The following SDK1 variants were observed in gnomAD, a reference collection of about 807,000 sequenced individuals.
SDK1 encodes the protein protein sidekick-1.
Under a neutral mutation model 245.5 loss-of-function variants are expected in SDK1, and 157 were observed. The observed-to-expected ratio is 0.64, with a 90% CI of 0.56 to 0.73. The LOEUF (loss-of-function observed/expected upper bound fraction) is 0.73, where lower values mean the gene tolerates loss of function less well. Among genes scored for constraint, SDK1 ranks in the 30% least tolerant of loss-of-function variants. The pLI is 0.00. For missense variants in SDK1, 3,583 were observed against 3,002.3 expected (o/e 1.19, Z -4.52); for synonymous variants, 1,647 against 1,278.5 (o/e 1.29, Z -6.15).
intron 20 of SDK1, among the ~76,000 whole-genome samples, chr7:4,074,309 G>C (rs200200926): frequency 1.3e-5 from 2 of 152,168 alleles, no homozygotes; most frequent in Non-Finnish European, 1.5e-5. Context: ...TCTGTAGTTT[G>C]CTGACCTAAG....
intron 4 of SDK1, among the ~76,000 whole-genome samples, chr7:3,721,696 A>G (rs540877033): frequency 3.3e-5 from 5 of 152,220 alleles, no homozygotes; most frequent in African/African-American, 7.2e-5. Flanking sequence ...CTCACTGAGG[A>G]AGGGGGAGGA....
intron 4 of SDK1, among the ~76,000 whole-genome samples, chr7:3,710,966 C>T (rs534084982): frequency 1.3e-5 from 2 of 152,140 alleles, no homozygotes; most frequent in African/African-American, 2.4e-5. Flanking sequence ...GAAAGCTTTT[C>T]TTTACATGTA....
At chr7:3,328,388 T>C (rs1331966301) in intron 1 of SDK1, among the ~76,000 whole-genome samples, 1 of 152,122 alleles carries the variant, frequency 6.6e-6, no homozygotes, top group Non-Finnish European at 1.5e-5. Context: ...TTGTAAATGA[T>C]GATGATGATT....
intron 2 of SDK1, among the ~76,000 whole-genome samples, chr7:3,622,481 CA>C (rs1186762494): frequency 6.6e-6 from 1 of 151,994 alleles, no homozygotes; most frequent in African/African-American, 2.4e-5. Context: ...ACTCCATCTC[CA>C]AAAACAAAAT....
chr7:3,676,547 A>C (rs529436284), intron 4 of SDK1, among the ~76,000 whole-genome samples: 4 of 151,824 alleles, frequency 2.6e-5, no homozygotes, highest in East Asian at 1.9e-4. Flanking sequence ...GGATGGTCTC[A>C]ATCTCCTGAC....
intron 5 of SDK1, among the ~76,000 whole-genome samples, chr7:3,838,525 C>G (rs976230024): frequency 2.0e-5 from 3 of 152,240 alleles, no homozygotes; most frequent in African/African-American, 4.8e-5. Context: ...TGTTCACAGA[C>G]TTGCAGCTCA....
chr7:3,517,183 G>A (rs1331882255), intron 1 of SDK1, among the ~76,000 whole-genome samples: 2 of 152,144 alleles, frequency 1.3e-5, no homozygotes, highest in African/African-American at 4.8e-5. Context: ...AGCATGTGGT[G>A]TGATAGGAAG....
chr7:3,426,205 C>T (rs573298376), intron 1 of SDK1, among the ~76,000 whole-genome samples: 1 of 152,212 alleles, frequency 6.6e-6, no homozygotes, highest in African/African-American at 2.4e-5. Flanking sequence ...CAGTGCTGGT[C>T]CTGTAGTGCA....
intron 1 of SDK1, among the ~76,000 whole-genome samples, chr7:3,592,755 T>G (rs776824748): frequency 6.6e-6 from 1 of 152,202 alleles, no homozygotes; most frequent in Non-Finnish European, 1.5e-5. Context: ...TAAAGAACTT[T>G]GCTCTATCGT....
At chr7:3,645,385 A>G (rs1295794848) in intron 4 of SDK1, among the ~76,000 whole-genome samples, 1 of 152,108 alleles carries the variant, frequency 6.6e-6, no homozygotes, top group Non-Finnish European at 1.5e-5. Context: ...TTAGTTTCGT[A>G]TTTTCCACCT....
rs12112620 is a variant in SDK1 at position 3,802,690 on chromosome 7, A to T, written c.714-18760A>T. Among the ~76,000 whole-genome samples, 865 of 152,238 alleles carry T rather than the reference A, an allele frequency of 5.7e-3. 9 individuals are homozygous for T. Among genetic ancestry groups the T allele is most frequent in the African/African-American group, 0.019 (806 of 41,540 alleles). On this transcript the variant is annotated intron_variant, in intron 4 of 44. Coordinates refer to ENST00000404826, the MANE Select transcript of SDK1 (RefSeq NM_152744.4). Reference sequence around the variant, plus strand: ...ACAGTTTTCTCATCTTGAGAATGTTATGTAAGTGGACCCTACATTAGGTGA... The same window carrying T: ...ACAGTTTTCTCATCTTGAGAATGTTTTGTAAGTGGACCCTACATTAGGTGA...
intron 5 of SDK1, among the ~76,000 whole-genome samples, chr7:3,905,859 A>G (rs575743785): frequency 2.0e-4 from 31 of 152,098 alleles, no homozygotes; most frequent in Admixed American, 5.9e-4. Flanking sequence ...CTTGGCCTCA[A>G]GCGATCCTCC....
intron 1 of SDK1, among the ~76,000 whole-genome samples, chr7:3,614,315 G>A (rs1281007916): frequency 6.6e-6 from 1 of 152,042 alleles, no homozygotes; most frequent in Non-Finnish European, 1.5e-5. Flanking sequence ...ATTTATTCTA[G>A]GGTCTTCTAA....
At chr7:3,501,310 C>A (rs1426501623) in intron 1 of SDK1, among the ~76,000 whole-genome samples, 1 of 151,736 alleles carries the variant, frequency 6.6e-6, no homozygotes, top group African/African-American at 2.4e-5. Flanking sequence ...ACTGTTTTTA[C>A]TATTCTTCCC....
At chr7:3,779,907 C>G (rs1562437807) in intron 4 of SDK1, among the ~76,000 whole-genome samples, 1 of 148,534 alleles carries the variant, frequency 6.7e-6, no homozygotes, top group Non-Finnish European at 1.5e-5. Flanking sequence ...AGTCCGCAGT[C>G]CGGCCTGGGC....
intron 1 of SDK1, among the ~76,000 whole-genome samples, chr7:3,499,923 A>T (rs1198624692): frequency 1.3e-5 from 2 of 152,188 alleles, no homozygotes; most frequent in Non-Finnish European, 2.9e-5. Flanking sequence ...GTGGGCCATT[A>T]TAGGGTGAAA....
chr7:3,971,562 C>T lies in SDK1; in HGVS notation c.1811C>T (p.Ser604Leu). The T allele has an allele frequency of 6.2e-7, 1 of 1,608,896 alleles. No individual in the cohort carries two copies. The highest frequency in any genetic ancestry group is 8.5e-7 in the Non-Finnish European group (1 of 1,176,522). Residue 604 changes from serine (S) to leucine (L), a missense_variant, in exon 12 of 45, where the codon TCA (serine) becomes TTA (leucine). Physicochemically the swap from Ser to Leu is moderately radical, Grantham distance 145 (BLOSUM62 -2). Coordinates refer to ENST00000404826, the MANE Select transcript of SDK1 (RefSeq NM_152744.4). ...HCGATHDPRV[S>L]LRYVWKKDNV... ...GGTGCCACACATGACCCCCGGGTTT[C>T]ACTCCGGTCAGCACAATCAGTTACA...
chr7:3,571,753 C>G (rs1159362086), intron 1 of SDK1, among the ~76,000 whole-genome samples: 1 of 152,080 alleles, frequency 6.6e-6, no homozygotes, highest in Non-Finnish European at 1.5e-5. Flanking sequence ...TCTTGGTAAT[C>G]AGAGAATGGG....
chr7:3,414,840 T>C (rs772092611), intron 1 of SDK1, among the ~76,000 whole-genome samples: 1 of 152,212 alleles, frequency 6.6e-6, no homozygotes, highest in Non-Finnish European at 1.5e-5. Flanking sequence ...TTTTTTTTGG[T>C]GTGATTCTCT....
Sources: allele counts gnomAD v4.1 joint callset (sites outside exome capture counted in the v4.1 genomes callset), GRCh38; gene constraint gnomAD v4.1.1; transcripts MANE v1.5; gene names NCBI Gene and HGNC (gene_info 2026-07-23, HGNC 2026-07-21).